Variants in ARHGAP25 observed in about 807,000 individuals in gnomAD.
ARHGAP25 encodes Rho GTPase activating protein 25.
In ARHGAP25, 34 loss-of-function variants were observed where a neutral mutation model predicts 71.0. The ratio of observed to expected loss-of-function variants is 0.48; its 90% CI spans 0.36 to 0.64. The LOEUF (loss-of-function observed/expected upper bound fraction) is 0.64, where lower values mean the gene tolerates loss of function less well. Among genes scored for constraint, ARHGAP25 ranks in the 30% least tolerant of loss-of-function variants. ARHGAP25 has a pLI of 0.00. For missense variants in ARHGAP25, 706 were observed against 805.1 expected, an observed-to-expected ratio of 0.88 and a Z score of 1.49; for synonymous variants, 282 against 296.5, an observed-to-expected ratio of 0.95 and a Z score of 0.50.
intron 3 of ARHGAP25, among the ~76,000 whole-genome samples, chr2:68,783,784 G>A (rs562168669): frequency 6.6e-6 from 1 of 152,016 alleles, no homozygotes; most frequent in Non-Finnish European, 1.5e-5. Flanking sequence ...TTCATCTGAA[G>A]GTCTAACTTC....
At chr2:68,774,991 C>T (rs1677767216) in intron 1 of ARHGAP25, 1 of 1,443,034 alleles carries the variant, frequency 6.9e-7, no homozygotes, top group African/African-American at 1.4e-5. Context: ...GGGCCACCGA[C>T]TGCAGCCTGG....
upstream of ARHGAP25, among the ~76,000 whole-genome samples, chr2:68,732,829 A>T (rs891431368): frequency 2.6e-5 from 4 of 152,188 alleles, no homozygotes; most frequent in African/African-American, 9.7e-5. Context: ...TGCTCCTTTC[A>T]TTCCTGAAGA....
In ARHGAP25 at chr2:68,822,556, C is replaced by T; in HGVS notation, c.1417C>T (p.Pro473Ser). 1 of 1,614,184 alleles carries T rather than the reference C, an allele frequency of 6.2e-7. No homozygotes were observed. The highest frequency in any genetic ancestry group is 1.6e-4 in the Middle Eastern group (1 of 6,062). ...GATCTTTAAAAATGAATTCTGGTCG[C>T]CTTCCTCAGAGGCTAAGGCAGGGGA... ...MEIFKNEFWSPSSEAKAGEGH... is the reference protein window; with the variant it reads ...MEIFKNEFWSSSSEAKAGEGH... Residue 473 changes from proline (P) to serine (S), a missense_variant, in exon 10 of 11, where the codon CCT becomes TCT. Coordinates refer to ENST00000409202, the MANE Select transcript of ARHGAP25 (RefSeq NM_001007231.3).
At chr2:68,714,339 T>A (rs35814432) in intron 2 of ARHGAP25, among the ~76,000 whole-genome samples, 35,699 of 151,952 alleles carry the variant, frequency 0.23, 4,442 homozygotes, top group East Asian at 0.37. Context: ...TATCCCCTTT[T>A]TCATTTTTTA....
rs1682149886 is a variant in ARHGAP25, at chr2:68,826,539, ATTC to A, written c.*348_*350del. ...CTCAGGCTGGACTAAGGTGTGATTAATTCTTTGTTTTTTGTGTGGAACAGCTCA... is the reference window on the plus strand; with the variant it reads ...CTCAGGCTGGACTAAGGTGTGATTAATTTGTTTTTTGTGTGGAACAGCTCA... On this transcript the variant is annotated 3_prime_UTR_variant, in exon 11 of 11. Transcript: ENST00000409202. 1.6e-5 allele frequency: 6 copies of A among 386,534 alleles called. No homozygotes were observed. The highest frequency in any genetic ancestry group is 1.3e-4 in the South Asian group (6 of 47,360). The allele number at this position is 386,534 out of a possible 1,614,324, so 23.9% of individuals were successfully genotyped here. A position where few individuals can be genotyped will look rare whatever the true frequency, so the allele number is the denominator to read the frequency against.
intron 1 of ARHGAP25, among the ~76,000 whole-genome samples, chr2:68,756,850 T>A (rs959735281): frequency 6.6e-6 from 1 of 152,042 alleles, no homozygotes; most frequent in Non-Finnish European, 1.5e-5. Flanking sequence ...TGATGGCACA[T>A]CTACTAGACA....
intron 2 of ARHGAP25, among the ~76,000 whole-genome samples, chr2:68,726,379 C>T (rs1326829180): frequency 1.3e-5 from 2 of 152,154 alleles, no homozygotes; most frequent in Non-Finnish European, 2.9e-5. Flanking sequence ...GAACAATGGC[C>T]AAAAGGAGGT....
At chr2:68,791,392 T>C (rs1679163561) in intron 4 of ARHGAP25, among the ~76,000 whole-genome samples, 1 of 152,228 alleles carries the variant, frequency 6.6e-6, no homozygotes, top group Admixed American at 6.5e-5. Flanking sequence ...ATAGCAGCAC[T>C]ATGTTCAGCT....
chr2:68,762,782 G>A (rs947343802), intron 1 of ARHGAP25, among the ~76,000 whole-genome samples: 4 of 152,170 alleles, frequency 2.6e-5, no homozygotes, highest in Non-Finnish European at 4.4e-5. Context: ...GAAATGTCAA[G>A]CAGAGGCTAG....
At chr2:68,746,141 C>G (rs1179404444) in intron 1 of ARHGAP25, among the ~76,000 whole-genome samples, 1 of 152,172 alleles carries the variant, frequency 6.6e-6, no homozygotes, top group Non-Finnish European at 1.5e-5. Flanking sequence ...TTTCATTTTC[C>G]CCAAAGCTTT....
intron 1 of ARHGAP25, among the ~76,000 whole-genome samples, chr2:68,760,529 A>G (rs558557483): frequency 6.6e-6 from 1 of 152,224 alleles, no homozygotes; most frequent in Non-Finnish European, 1.5e-5. Context: ...TTGCACTTCT[A>G]TACACTAACA....
In ARHGAP25 at chr2:68,822,707, A is replaced by G; in HGVS notation, c.1568A>G (p.Gln523Arg). The G allele has an allele frequency of 6.2e-7, 1 of 1,614,182 alleles. No individual in the cohort carries two copies. The change falls in exon 10 of 11, where the codon CAA becomes CGA. Residue 523 changes from glutamine (Q) to arginine (R), a missense_variant. By Grantham distance (43) the Gln-to-Arg change is conservative. Transcript: ENST00000409202. ...GAGGAAGCCAGTGCACTCTCTTCCC[A>G]AGCCTGTGACTCCAAGGGAGATACT... is the stretch of plus-strand genomic sequence containing the variant. Reference protein sequence around the residue: ...PGEEASALSSQACDSKGDTLA... With the variant: ...PGEEASALSSRACDSKGDTLA...
intron 2 of ARHGAP25, among the ~76,000 whole-genome samples, chr2:68,728,350 G>A (rs530976495): frequency 1.1e-4 from 17 of 152,258 alleles, no homozygotes; most frequent in African/African-American, 3.6e-4. Flanking sequence ...TGGGGAATAC[G>A]TGGAAAAAAA....
intron 1 of ARHGAP25, among the ~76,000 whole-genome samples, chr2:68,754,688 A>T (rs998686753): frequency 2.6e-5 from 4 of 152,202 alleles, no homozygotes; most frequent in Non-Finnish European, 5.9e-5. Context: ...GTATCATTTT[A>T]TGTTCCTACT....
At position 68,775,319 on chromosome 2, in the gene ARHGAP25, A is replaced by G; in HGVS notation, c.160A>G (p.Lys54Glu). 1.2e-6 allele frequency: 2 copies of G among 1,614,246 alleles called. No homozygotes were observed. Among genetic ancestry groups the G allele is most frequent in the Non-Finnish European group, 1.7e-6 (2 of 1,180,036 alleles). ...LERPIKMGWL[K>E]KQRSIVKNWQ... ...GAGGCCCATCAAGATGGGCTGGCTGAAGAAGCAGAGGTCCATCGTGAAGAA... is the reference window on the plus strand; with the variant it reads ...GAGGCCCATCAAGATGGGCTGGCTGGAGAAGCAGAGGTCCATCGTGAAGAA... Residue 54 changes from lysine to glutamate, a missense_variant, in exon 2 of 11, where the codon AAG (lysine) becomes GAG (glutamate). Lys to Glu is a moderately conservative substitution (Grantham distance 56). Coordinates refer to ENST00000409202, the MANE Select transcript of ARHGAP25 (RefSeq NM_001007231.3).
At chr2:68,763,780 C>CA (rs1186080787) in intron 1 of ARHGAP25, among the ~76,000 whole-genome samples, 3 of 152,066 alleles carry the variant, frequency 2.0e-5, no homozygotes, top group Non-Finnish European at 4.4e-5. Flanking sequence ...ATTTTTTCTG[C>CA]AGAAACTGTT....
intron 1 of ARHGAP25, among the ~76,000 whole-genome samples, chr2:68,740,474 C>T (rs1675463760): frequency 6.6e-6 from 1 of 152,198 alleles, no homozygotes; most frequent in South Asian, 2.1e-4. Context: ...TCAGCCACAT[C>T]CTCCCTTCTG....
At chr2:68,808,953 AC>A (rs1680578118) in intron 5 of ARHGAP25, among the ~76,000 whole-genome samples, 2 of 152,046 alleles carry the variant, frequency 1.3e-5, no homozygotes, top group African/African-American at 2.4e-5. Flanking sequence ...CGACATCTCC[AC>A]CCCTAGAAGT....
In ARHGAP25 at chr2:68,807,334, G is replaced by C. The variant is rs1680448123; in HGVS notation, c.528G>C (p.Leu176=). 1 of 1,614,240 alleles carries C rather than the reference G, an allele frequency of 6.2e-7. No individual in the cohort carries two copies. ...ATGAACAGAAATTCGGCCCCCATCT[G>C]GTGCCCATCCTGGTGGAGAAATGTG... ...VAYEQKFGPH[L]VPILVEKCAE... The change falls in exon 5 of 11, where the codon CTG becomes CTC. Residue 176 remains leucine (L), a synonymous_variant. Coordinates refer to ENST00000409202, the MANE Select transcript of ARHGAP25 (RefSeq NM_001007231.3).
Sources: allele counts gnomAD v4.1 joint callset (sites outside exome capture counted in the v4.1 genomes callset), GRCh38; gene constraint gnomAD v4.1.1; transcripts MANE v1.5; gene names NCBI Gene and HGNC (gene_info 2026-07-23, HGNC 2026-07-21).